Variants in NEIL2 observed in about 807,000 individuals in gnomAD.
The protein encoded by NEIL2 is endonuclease 8-like 2.
A neutral mutation model predicts 22.2 loss-of-function variants in NEIL2; 23 were observed. The observed-to-expected ratio is 1.04, with a 90% confidence interval of 0.75 to 1.47. The LOEUF is 1.47. Ranked by LOEUF, NEIL2 falls within the 40% of genes most tolerant of loss-of-function variation. The probability of loss-of-function intolerance (pLI) is 0.00; values close to 1 mark genes in which losing one functional copy is unlikely to be tolerated. For missense variants in NEIL2, 583 were observed against 404.7 expected, an observed-to-expected ratio of 1.44 and a Z score of -3.78; for synonymous variants, 229 against 164.8, an observed-to-expected ratio of 1.39 and a Z score of -2.99.
intron 2 of NEIL2, among the ~76,000 whole-genome samples, chr8:11,778,987 A>G (rs1181043079): frequency 6.9e-6 from 1 of 145,448 alleles, no homozygotes. Flanking sequence ...ATCCTTTAAC[A>G]CACATTTTCT....
chr8:11,779,993 T>A, intron 3 of NEIL2, 43 bp downstream of exon 3: 1 of 1,525,276 alleles, frequency 6.6e-7, no homozygotes, highest in Non-Finnish European at 9.1e-7. Flanking sequence ...CTGATAGTCA[T>A]AGGGCCCTGC....
chr8:11,784,758 C>G (rs1450709823), intron 4 of NEIL2, among the ~76,000 whole-genome samples: 1 of 152,180 alleles, frequency 6.6e-6, no homozygotes, highest in Non-Finnish European at 1.5e-5. Flanking sequence ...GTTACTGATT[C>G]TGGAAGGAGG....
intron 2 of NEIL2, among the ~76,000 whole-genome samples, chr8:11,771,941 G>A (rs551002874): frequency 4.2e-4 from 64 of 152,136 alleles, no homozygotes; most frequent in African/African-American, 1.4e-3. Context: ...ACGGTGGCTC[G>A]CACCTGTAAT....
chr8:11,771,391 T>C (rs535471049), intron 1 of NEIL2, 55 bp from the exon 2 acceptor site: 2 of 1,609,228 alleles, frequency 1.2e-6, no homozygotes, highest in African/African-American at 2.7e-5. Flanking sequence ...CTGTTAAAGA[T>C]GCTAGAGATA....
intron 2 of NEIL2, among the ~76,000 whole-genome samples, chr8:11,772,661 C>G (rs562996123): frequency 4.6e-5 from 7 of 152,296 alleles, no homozygotes; most frequent in Admixed American, 3.9e-4. Context: ...CTGCTCCTCG[C>G]CAGTATTGTG....
Position 11,772,276 on chromosome 8 carries a change from A to C in NEIL2, c.138+691A>C, listed in dbSNP as rs75381107. Among the ~76,000 whole-genome samples the C allele has an allele frequency of 7.4e-4, 112 of 152,216 alleles. No homozygotes were observed. In the East Asian group the frequency reaches 0.018, roughly 24 times the overall value. On this transcript the variant is annotated intron_variant, in intron 2 of 4. Coordinates refer to ENST00000284503, the MANE Select transcript of NEIL2 (RefSeq NM_145043.4). ...AGCTCATCCTTCCAGGGGCTCACGG[A>C]GCTCCCTGTTTTCTCACCACTGCCT...
chr8:11,782,764 C>T (rs1354348604), intron 3 of NEIL2: 1 of 268,718 alleles, frequency 3.7e-6, no homozygotes, highest in Non-Finnish European at 7.1e-6. Flanking sequence ...TGTGCTCTGA[C>T]TACGTTGTGG....
chr8:11,786,516 A>G lies in NEIL2; in HGVS notation c.*243A>G. The G allele has an allele frequency of 5.3e-6, 3 of 568,874 alleles. No individual in the cohort carries two copies. In the South Asian group the frequency reaches 6.1e-5, roughly 12 times the overall value. 35.2% of individuals were successfully genotyped at this position (568,874 alleles called of 1,614,324 possible). A position where few individuals can be genotyped will look rare whatever the true frequency, so the allele number is the denominator to read the frequency against. The stretch of plus-strand genomic sequence containing the variant: ...GAATTGCACCATCGTGAAAGATGGG[A>G]AAAATCGTGATGATGGGTAAGGGGA... On this transcript the variant is annotated 3_prime_UTR_variant, in exon 5 of 5. Coordinates refer to ENST00000284503, the MANE Select transcript of NEIL2 (RefSeq NM_145043.4).
chr8:11,776,065 C>T (rs1269048061), intron 2 of NEIL2, among the ~76,000 whole-genome samples: 1 of 152,198 alleles, frequency 6.6e-6, no homozygotes, highest in African/African-American at 2.4e-5. Context: ...AGTCTGTTCT[C>T]ATGCTGCTGA....
At chr8:11,781,476 C>T (rs1874545) in intron 3 of NEIL2, among the ~76,000 whole-genome samples, 149,212 of 152,312 alleles carry the variant, frequency 0.98, 73,159 homozygotes, top group East Asian at 1. Context: ...AGGAAACTTT[C>T]CTTAGAACCC....
intron 2 of NEIL2, among the ~76,000 whole-genome samples, chr8:11,773,019 C>G (rs1413745966): frequency 6.6e-6 from 1 of 152,092 alleles, no homozygotes. Flanking sequence ...CCTTTGGAGA[C>G]TGAGGCTCGG....
Position 11,786,186 on chromosome 8 carries a change from C to T in NEIL2, c.912C>T (p.Pro304=), listed in dbSNP as rs199656718. 3.0e-5 allele frequency: 48 copies of T among 1,613,730 alleles called. No homozygotes were observed. Among genetic ancestry groups the T allele is most frequent in the African/African-American group, 5.3e-5 (4 of 75,006 alleles). ...AGGTCATGAAGGAGGCGTTTGGGCC[C>T]GAAGATGGGTTACAGAGGCTCACCT... ...GHQVMKEAFG[P]EDGLQRLTWW... Residue 304 remains proline, a synonymous_variant, in exon 5 of 5, where the codon CCC becomes CCT. Transcript: ENST00000284503.
chr8:11,782,275 G>A (rs2740437), intron 3 of NEIL2, among the ~76,000 whole-genome samples: 152,081 of 152,084 alleles, frequency 1, 76,039 homozygotes, highest in Non-Finnish European at 1. Context: ...AGTACAAAAA[G>A]TTAGCCAGGT....
chr8:11,784,384 C>T (rs931710771), intron 4 of NEIL2, among the ~76,000 whole-genome samples: 2 of 152,232 alleles, frequency 1.3e-5, no homozygotes, highest in African/African-American at 2.4e-5. Flanking sequence ...TACTGCTGTC[C>T]TGTAGGATGG....
Position 11,783,362 on chromosome 8 carries a change from C to G in NEIL2, c.651C>G (p.Cys217Trp). 3 of 1,614,188 alleles carry G rather than the reference C, an allele frequency of 1.9e-6. No homozygotes were observed. Among genetic ancestry groups the G allele is most frequent in the Non-Finnish European group, 2.5e-6 (3 of 1,180,020 alleles). ...CTCTAGGCCAGGCTCAGCCTGTCTG[C>G]TATACACTGCTGGACCAGAGATACT... is the stretch of plus-strand genomic sequence containing the variant. ...LEALGQAQPV[C>W]YTLLDQRYFS... The change falls in exon 4 of 5, where the codon TGC (cysteine) becomes TGG (tryptophan). Residue 217 changes from cysteine to tryptophan, a missense_variant. Physicochemically the swap from Cys to Trp is radical, Grantham distance 215 (BLOSUM62 -2). Coordinates refer to ENST00000284503, the MANE Select transcript of NEIL2 (RefSeq NM_145043.4).
chr8:11,774,932 G>C (rs1278514162), intron 2 of NEIL2, among the ~76,000 whole-genome samples: 1 of 152,242 alleles, frequency 6.6e-6, no homozygotes. Flanking sequence ...TGTGGCTTTG[G>C]TAGGGTACAG....
intron 3 of NEIL2, among the ~76,000 whole-genome samples, chr8:11,780,441 C>T (rs1327312583): frequency 1.3e-5 from 2 of 152,150 alleles, no homozygotes; most frequent in African/African-American, 4.8e-5. Context: ...AGTGCAGTGG[C>T]ACGATCTCGC....
At chr8:11,777,299 C>G (rs1190491670) in intron 2 of NEIL2, among the ~76,000 whole-genome samples, 3 of 151,972 alleles carry the variant, frequency 2.0e-5, no homozygotes, top group Non-Finnish European at 4.4e-5. Flanking sequence ...GGCCTAGCCA[C>G]ACTTTTCTCT....
rs1175260743 is a variant in NEIL2, at chr8:11,787,075, G to A, written c.*802G>A. On this transcript the variant is annotated 3_prime_UTR_variant, in exon 5 of 5. Transcript: ENST00000284503. ...CAGGGATGAGGATAGAGTGGCCTGA[G>A]AGCAGTGCTTGGATTCAGCCTCCTG... The A allele has an allele frequency of 2.0e-5, 3 of 152,582 alleles. No homozygotes were observed. The highest frequency in any genetic ancestry group is 2.9e-5 in the Non-Finnish European group (2 of 68,136). The allele number at this position is 152,582 out of a possible 1,614,324, so 9.5% of individuals were successfully genotyped here. A position where few individuals can be genotyped will look rare whatever the true frequency, so the allele number is the denominator to read the frequency against.
Sources: allele counts gnomAD v4.1 joint callset (sites outside exome capture counted in the v4.1 genomes callset), GRCh38; gene constraint gnomAD v4.1.1; transcripts MANE v1.5; gene names NCBI Gene and HGNC (gene_info 2026-07-23, HGNC 2026-07-21).